GRM3: variants seen among roughly 807,000 people sequenced by gnomAD.
The protein encoded by GRM3 is glutamate metabotropic receptor 3.
A neutral mutation model predicts 70.5 loss-of-function variants in GRM3; 26 were observed. The ratio of observed to expected loss-of-function variants is 0.37; its 90% CI spans 0.27 to 0.51. GRM3 has a LOEUF of 0.51. GRM3 is among the 20% of genes least tolerant of loss of function. The pLI, the probability that GRM3 is intolerant of heterozygous loss-of-function variation, is 0.93. For missense variants in GRM3, 859 were observed against 1,123.8 expected (o/e 0.76, Z 3.37); for synonymous variants, 443 against 434.9 (o/e 1.02, Z -0.23).
chr7:86,684,003 C>A (rs1794503041), intron 1 of GRM3, among the ~76,000 whole-genome samples: 1 of 152,094 alleles, frequency 6.6e-6, no homozygotes, highest in Non-Finnish European at 1.5e-5. Context: ...ATATCTCAAT[C>A]AAGGTATGTA....
At chr7:86,720,713 C>T (rs1485036394) in intron 1 of GRM3, among the ~76,000 whole-genome samples, 4 of 152,010 alleles carry the variant, frequency 2.6e-5, no homozygotes, top group Admixed American at 6.6e-5. Context: ...TATGAACTAG[C>T]GCAGTGTATC....
chr7:86,680,765 C>T (rs528422395), intron 1 of GRM3, among the ~76,000 whole-genome samples: 1 of 152,192 alleles, frequency 6.6e-6, no homozygotes, highest in African/African-American at 2.4e-5. Context: ...TCTTAGAGCT[C>T]CCAGCCCCTT....
At chr7:86,860,054 A>C (rs899380681) in intron 5 of GRM3, among the ~76,000 whole-genome samples, 15 of 152,198 alleles carry the variant, frequency 9.9e-5, no homozygotes, top group Non-Finnish European at 1.5e-4. Flanking sequence ...AGAGTATCCA[A>C]TAGTTACTAT....
chr7:86,796,066 A>G (rs1245178651), intron 3 of GRM3, among the ~76,000 whole-genome samples: 1 of 152,116 alleles, frequency 6.6e-6, no homozygotes, highest in Non-Finnish European at 1.5e-5. Flanking sequence ...CTTTAGTTTA[A>G]TTAGATCTCA....
At chr7:86,858,420 A>C (rs988431846) in intron 5 of GRM3, among the ~76,000 whole-genome samples, 7 of 152,164 alleles carry the variant, frequency 4.6e-5, no homozygotes, top group African/African-American at 1.7e-4. Context: ...AATTAAGATT[A>C]AATAAGGTGA....
intron 1 of GRM3, among the ~76,000 whole-genome samples, chr7:86,709,322 C>G (rs2116157372): frequency 6.6e-6 from 1 of 152,206 alleles, no homozygotes; most frequent in African/African-American, 2.4e-5. Context: ...CCCAGACAAA[C>G]TTGCTCCCTA....
At chr7:86,789,098 A>C (rs2299221) in intron 3 of GRM3, among the ~76,000 whole-genome samples, 1 of 152,202 alleles carries the variant, frequency 6.6e-6, no homozygotes, top group East Asian at 1.9e-4. Context: ...ACTCTTTTCA[A>C]GTCTACCGTT....
At chr7:86,649,551 A>G (rs181149805) in intron 1 of GRM3, among the ~76,000 whole-genome samples, 15 of 152,282 alleles carry the variant, frequency 9.9e-5, no homozygotes, top group Admixed American at 2.0e-4. Flanking sequence ...ATTTCTTATC[A>G]GAATTTACTT....
intron 1 of GRM3, among the ~76,000 whole-genome samples, chr7:86,746,341 TTATATATATATATATA>T (rs59930404): frequency 2.3e-5 from 2 of 87,486 alleles, no homozygotes; most frequent in South Asian, 4.3e-4. Flanking sequence ...CAGTCATGTA[TTATATATATATATATA>T]TATATATATA....
chr7:86,794,881 T>TA (rs59824648), intron 3 of GRM3, among the ~76,000 whole-genome samples: 8,187 of 142,364 alleles, frequency 0.058, 614 homozygotes, highest in African/African-American at 0.18. Flanking sequence ...CTTTTGTCTT[T>TA]AAAAAAAAAA....
intron 5 of GRM3, among the ~76,000 whole-genome samples, chr7:86,851,623 C>A (rs1798756335): frequency 6.6e-6 from 1 of 152,082 alleles, no homozygotes. Context: ...CACATTAGCG[C>A]CCCAATTTCT....
At chr7:86,749,813 C>T (rs997448449) in intron 1 of GRM3, among the ~76,000 whole-genome samples, 3 of 152,028 alleles carry the variant, frequency 2.0e-5, no homozygotes, top group Non-Finnish European at 4.4e-5. Flanking sequence ...TACTGCTTTT[C>T]AGAGTCCTCT....
At chr7:86,732,665 C>A (rs1308459759) in intron 1 of GRM3, among the ~76,000 whole-genome samples, 1 of 152,156 alleles carries the variant, frequency 6.6e-6, no homozygotes, top group Non-Finnish European at 1.5e-5. Context: ...AATTTCCACA[C>A]AAGGAACGTA....
At chr7:86,737,442 C>A (rs561920075) in intron 1 of GRM3, among the ~76,000 whole-genome samples, 1 of 152,204 alleles carries the variant, frequency 6.6e-6, no homozygotes, top group East Asian at 1.9e-4. Context: ...GACTGAATCT[C>A]TCTGAACACT....
At chr7:86,760,785 CATT>C in intron 1 of GRM3, among the ~76,000 whole-genome samples, 1 of 152,092 alleles carries the variant, frequency 6.6e-6, no homozygotes, top group Non-Finnish European at 1.5e-5. Context: ...TGTATTTAAA[CATT>C]AATTGATTTT....
At position 86,777,272 on chromosome 7, in the gene GRM3, A is replaced by C. The variant is rs1308854536; in HGVS notation, c.469-8989A>C. On this transcript the variant is annotated intron_variant, in intron 2 of 5. Coordinates refer to ENST00000361669, the MANE Select transcript of GRM3 (RefSeq NM_000840.3). The stretch of plus-strand genomic sequence containing the variant: ...TATTTAAGAAGTCCTTCAGTTTCAA[A>C]TGAAGAAAATAAAAGTGTGTGACAA... 2.0e-5 allele frequency among the ~76,000 whole-genome samples: 3 copies of C among 152,218 alleles called. No individual in the cohort carries two copies. In the South Asian group the frequency reaches 6.2e-4, roughly 31 times the overall value.
chr7:86,678,085 A>G (rs995170654), intron 1 of GRM3, among the ~76,000 whole-genome samples: 1 of 152,042 alleles, frequency 6.6e-6, no homozygotes, highest in Non-Finnish European at 1.5e-5. Context: ...TAAGGATAGA[A>G]ATATGAATTT....
intron 2 of GRM3, among the ~76,000 whole-genome samples, chr7:86,770,260 G>T (rs551950044): frequency 6.6e-6 from 1 of 152,204 alleles, no homozygotes; most frequent in African/African-American, 2.4e-5. Context: ...AGCGACTTCA[G>T]GAACAAATGA....
At chr7:86,801,970 C>A (rs1230450647) in intron 3 of GRM3, among the ~76,000 whole-genome samples, 5 of 152,032 alleles carry the variant, frequency 3.3e-5, no homozygotes, top group Non-Finnish European at 7.4e-5. Flanking sequence ...TGGTTGTGAT[C>A]CTTGGTCTAT....
Sources: gnomAD v4.1 joint callset for allele counts (sites outside exome capture counted in the v4.1 genomes callset) on GRCh38, gnomAD v4.1.1 for gene constraint, MANE v1.5 for transcripts, NCBI Gene and HGNC (gene_info 2026-07-23, HGNC 2026-07-21) for gene names.